TMEM132B: variants seen among roughly 807,000 people sequenced by gnomAD.
The protein encoded by TMEM132B is transmembrane protein 132B.
TMEM132B carries 18 observed loss-of-function variants against 90.8 expected under a neutral mutation model. The observed-to-expected ratio is 0.20, with a 90% CI of 0.14 to 0.29. TMEM132B has a LOEUF of 0.29. Among genes scored for constraint, TMEM132B ranks in the 10% least tolerant of loss-of-function variants. The pLI is 1.00. For synonymous variants in TMEM132B, 504 were observed against 523.3 expected (o/e 0.96, Z 0.50); for missense variants, 1,096 against 1,326.8 (o/e 0.83, Z 2.70).
At chr12:125,332,472 A>T (rs562639390) in intron 1 of TMEM132B, among the ~76,000 whole-genome samples, 1 of 150,974 alleles carries the variant, frequency 6.6e-6, no homozygotes, top group Non-Finnish European at 1.5e-5. Flanking sequence ...AATTAAGCGC[A>T]GCTCCCCAGA....
chr12:125,344,688 C>T (rs545362225), intron 1 of TMEM132B, among the ~76,000 whole-genome samples: 7 of 152,260 alleles, frequency 4.6e-5, no homozygotes, highest in Admixed American at 1.3e-4. Flanking sequence ...CAGGGAACTA[C>T]ATTGGCATGA....
intron 3 of TMEM132B, among the ~76,000 whole-genome samples, chr12:125,468,506 A>G (rs1881628911): frequency 1.3e-5 from 2 of 152,218 alleles, no homozygotes; most frequent in Admixed American, 6.5e-5. Context: ...CAGGAATTTC[A>G]CCTTTGGTGA....
intron 4 of TMEM132B, among the ~76,000 whole-genome samples, chr12:125,544,279 C>T (rs1455949468): frequency 6.6e-6 from 1 of 152,178 alleles, no homozygotes; most frequent in African/African-American, 2.4e-5. Context: ...CAACAAACCA[C>T]CATGACACAC....
intron 1 of TMEM132B, among the ~76,000 whole-genome samples, chr12:125,261,457 T>C (rs1162245187): frequency 6.6e-6 from 1 of 152,220 alleles, no homozygotes; most frequent in Non-Finnish European, 1.5e-5. Flanking sequence ...GAATTGATTT[T>C]AATGCTTAGC....
intron 4 of TMEM132B, among the ~76,000 whole-genome samples, chr12:125,572,167 A>T (rs113998359): frequency 6.6e-6 from 1 of 152,222 alleles, no homozygotes; most frequent in Non-Finnish European, 1.5e-5. Flanking sequence ...CATACAATGC[A>T]TATTTATCCC....
chr12:125,540,811 A>G (rs369561314), intron 4 of TMEM132B, among the ~76,000 whole-genome samples: 3 of 152,348 alleles, frequency 2.0e-5, no homozygotes, highest in East Asian at 3.9e-4. Flanking sequence ...TTCCACTGTC[A>G]TCTTCTCTCA....
chr12:125,382,899 T>G (rs1878725313), intron 2 of TMEM132B, among the ~76,000 whole-genome samples: 2 of 152,242 alleles, frequency 1.3e-5, no homozygotes, highest in African/African-American at 4.8e-5. Context: ...GAATTGCTGG[T>G]GGTGGAGACA....
At chr12:125,271,476 G>A (rs1366174139) in intron 1 of TMEM132B, among the ~76,000 whole-genome samples, 1 of 152,074 alleles carries the variant, frequency 6.6e-6, no homozygotes, top group Non-Finnish European at 1.5e-5. Context: ...CTTGACCCTT[G>A]GTATTTGTAG....
intron 1 of TMEM132B, among the ~76,000 whole-genome samples, chr12:125,220,239 G>C (rs1873527362): frequency 6.6e-6 from 1 of 152,182 alleles, no homozygotes; most frequent in South Asian, 2.1e-4. Flanking sequence ...GTCAATGGAG[G>C]TATTTCTCAT....
chr12:125,575,057 CATATATATAT>C (rs147688714), intron 4 of TMEM132B, among the ~76,000 whole-genome samples: 16,078 of 43,934 alleles, frequency 0.37, 3,693 homozygotes, highest in Middle Eastern at 0.6. Context: ...TATTAGCTGT[CATATATATAT>C]ATATATATAT....
At chr12:125,278,154 A>G (rs1875055788) in intron 1 of TMEM132B, among the ~76,000 whole-genome samples, 3 of 152,186 alleles carry the variant, frequency 2.0e-5, no homozygotes, top group Non-Finnish European at 4.4e-5. Context: ...GTGGCACTCT[A>G]TGTGTTTTGA....
At chr12:125,579,006 C>T (rs1298403833) in intron 4 of TMEM132B, among the ~76,000 whole-genome samples, 1 of 152,106 alleles carries the variant, frequency 6.6e-6, no homozygotes, top group South Asian at 2.1e-4. Flanking sequence ...GACACCTTTG[C>T]CATTAATTAC....
At chr12:125,627,358 A>G (rs1886257990) in intron 5 of TMEM132B, among the ~76,000 whole-genome samples, 1 of 151,822 alleles carries the variant, frequency 6.6e-6, no homozygotes, top group African/African-American at 2.4e-5. Flanking sequence ...TATGCTTTGT[A>G]CTTTTCATTT....
At chr12:125,581,828 C>T (rs1278570430) in intron 4 of TMEM132B, among the ~76,000 whole-genome samples, 1 of 151,918 alleles carries the variant, frequency 6.6e-6, no homozygotes, top group Non-Finnish European at 1.5e-5. Context: ...ATATCATTAC[C>T]CCACCTAGGT....
chr12:125,651,078 G>T, intron 7 of TMEM132B, 125 bp downstream of exon 7: 3 of 1,294,156 alleles, frequency 2.3e-6, no homozygotes, highest in Non-Finnish European at 3.2e-6. Flanking sequence ...GTGTGTCACT[G>T]TGCATGTATT....
Position 125,299,511 on chromosome 12 carries a change from G to A in TMEM132B, c.68-49941G>A, listed in dbSNP as rs370572512. On this transcript the variant is annotated intron_variant, in intron 1 of 8. Coordinates refer to ENST00000682704, the MANE Select transcript of TMEM132B (RefSeq NM_001366854.1). ...TCCAGACCGACTCTGGGCTGATGGC[G>A]CCTGCTTCACCCTTCCCTGACCTGC... 1.8e-4 allele frequency among the ~76,000 whole-genome samples: 27 copies of A among 152,250 alleles called. No homozygotes were observed. The East Asian group carries it at 2.1e-3, about 12-fold the overall frequency.
At chr12:125,428,079 T>G (rs1880376828) in intron 3 of TMEM132B, among the ~76,000 whole-genome samples, 1 of 152,106 alleles carries the variant, frequency 6.6e-6, no homozygotes, top group African/African-American at 2.4e-5. Context: ...CTCACTGAGT[T>G]TCTATCTTCT....
intron 5 of TMEM132B, among the ~76,000 whole-genome samples, chr12:125,626,439 C>T (rs1040561550): frequency 2.0e-5 from 3 of 152,082 alleles, no homozygotes; most frequent in Middle Eastern, 3.2e-3. Context: ...TAGTTCAATT[C>T]TTAGGTTTTT....
At chr12:125,236,185 G>T (rs565413570) in intron 1 of TMEM132B, among the ~76,000 whole-genome samples, 2 of 151,844 alleles carry the variant, frequency 1.3e-5, no homozygotes, top group Non-Finnish European at 2.9e-5. Flanking sequence ...TCTCTCTATT[G>T]CCCAGGGTGG....
Sources: allele counts gnomAD v4.1 joint callset (sites outside exome capture counted in the v4.1 genomes callset), GRCh38; gene constraint gnomAD v4.1.1; transcripts MANE v1.5; gene names NCBI Gene and HGNC (gene_info 2026-07-23, HGNC 2026-07-21).